Variants in GARIN2 observed in about 807,000 individuals in gnomAD.
GARIN2 encodes the protein golgi associated RAB2 interactor family member 2.
At chr14:67,192,356 A>G in the GARIN2 span, among the ~76,000 whole-genome samples, 2 of 152,080 alleles carry the variant, frequency 1.3e-5, no homozygotes, top group African/African-American at 4.8e-5. Flanking sequence ...TTCATTCAAC[A>G]AGTAGTTTTG....
chr14:67,197,608 C>T, the GARIN2 span, among the ~76,000 whole-genome samples: 3 of 152,098 alleles, frequency 2.0e-5, no homozygotes, highest in Admixed American at 6.5e-5. Context: ...TCATAAGGAG[C>T]GCGCAACCAA....
At chr14:67,194,824 A>G in the GARIN2 span, among the ~76,000 whole-genome samples, 1 of 152,086 alleles carries the variant, frequency 6.6e-6, no homozygotes, top group African/African-American at 2.4e-5. Context: ...TGCCAGGCTA[A>G]TTTTTATATT....
the GARIN2 span, among the ~76,000 whole-genome samples, chr14:67,193,843 G>T: frequency 7.4e-4 from 111 of 149,146 alleles, no homozygotes; most frequent in Admixed American, 2.3e-3. Flanking sequence ...TATTCAGGAG[G>T]CTGAGGTGAG....
At chr14:67,208,550 T>G in the GARIN2 span, 1 of 1,241,550 alleles carries the variant, frequency 8.1e-7, no homozygotes, top group Non-Finnish European at 1.1e-6. Context: ...CCACTGAAGA[T>G]TCTCAGAGAC....
At chr14:67,193,954 C>CA in the GARIN2 span, among the ~76,000 whole-genome samples, 278 of 85,718 alleles carry the variant, frequency 3.2e-3, 3 homozygotes, top group Non-Finnish European at 4.1e-3. Flanking sequence ...CAAAAAAAAA[C>CA]AAAAAAAAAA....
At chr14:67,217,546 T>C in the GARIN2 span, among the ~76,000 whole-genome samples, 122 of 152,290 alleles carry the variant, frequency 8.0e-4, no homozygotes, top group Non-Finnish European at 1.3e-3. Context: ...GATAAGGTTT[T>C]ATTGCTTTCT....
chr14:67,225,962 T>TGCGCGCGC, the GARIN2 span, among the ~76,000 whole-genome samples: 34 of 113,512 alleles, frequency 3.0e-4, no homozygotes, highest in African/African-American at 1.7e-3. Flanking sequence ...TGTGTGTGTG[T>TGCGCGCGC]GCGCGCGCGC....
At chr14:67,209,194 G>A in the GARIN2 span, among the ~76,000 whole-genome samples, 1 of 152,168 alleles carries the variant, frequency 6.6e-6, no homozygotes, top group Non-Finnish European at 1.5e-5. Flanking sequence ...GGATACAGCA[G>A]CAAAAATGAT....
chr14:67,200,439 C>G, the GARIN2 span: 2 of 471,248 alleles, frequency 4.2e-6, no homozygotes, highest in Non-Finnish European at 7.6e-6. Context: ...TTTCAGCACC[C>G]CCACCCCATT....
At chr14:67,223,755 T>C in the GARIN2 span, 73 of 984,994 alleles carry the variant, frequency 7.4e-5, no homozygotes, top group Non-Finnish European at 8.8e-5. Flanking sequence ...TTACTTAGGC[T>C]TGTATAGTTT....
At chr14:67,196,170 A>G in the GARIN2 span, among the ~76,000 whole-genome samples, 16 of 151,162 alleles carry the variant, frequency 1.1e-4, no homozygotes, top group Admixed American at 9.2e-4. Context: ...AGCCTCTGAC[A>G]AGTTTCATAC....
chr14:67,204,573 T>C, the GARIN2 span: 7 of 1,613,510 alleles, frequency 4.3e-6, no homozygotes, highest in African/African-American at 2.7e-5. Context: ...TTTCTGTGCA[T>C]GATGCGGAGA....
the GARIN2 span, among the ~76,000 whole-genome samples, chr14:67,193,804 G>T: frequency 2.0e-5 from 3 of 148,828 alleles, no homozygotes; most frequent in African/African-American, 7.4e-5. Flanking sequence ...AATTAGCTGG[G>T]TATGGTAGCG....
chr14:67,221,916 T>C, the GARIN2 span: 87 of 1,367,184 alleles, frequency 6.4e-5, no homozygotes, highest in Non-Finnish European at 8.5e-5. Context: ...TCAGCTAGAC[T>C]TTTTGATGCA....
the GARIN2 span, among the ~76,000 whole-genome samples, chr14:67,221,386 C>A: frequency 6.6e-6 from 1 of 152,142 alleles, no homozygotes; most frequent in African/African-American, 2.4e-5. Flanking sequence ...CCTATATTCC[C>A]AACATAGTTG....
the GARIN2 span, among the ~76,000 whole-genome samples, chr14:67,214,485 G>T: frequency 1.2e-4 from 18 of 152,240 alleles, no homozygotes; most frequent in East Asian, 3.5e-3. Flanking sequence ...TAGACGTGCG[G>T]CGTTATTTCT....
At chr14:67,190,548 C>T in the GARIN2 span, among the ~76,000 whole-genome samples, 1 of 152,170 alleles carries the variant, frequency 6.6e-6, no homozygotes, top group Non-Finnish European at 1.5e-5. Flanking sequence ...ATTTTTCAGA[C>T]TGTTATCCCA....
At chr14:67,200,193 A>G in the GARIN2 span, 3 of 1,140,920 alleles carry the variant, frequency 2.6e-6, no homozygotes, top group South Asian at 1.6e-5. Context: ...GACTTCCTCC[A>G]CTGATGCCCC....
At chr14:67,223,969 G>A in the GARIN2 span, 1 of 984,892 alleles carries the variant, frequency 1.0e-6, no homozygotes. Context: ...TTATATTATA[G>A]GCGGAAATCA....
Sources: gnomAD v4.1 joint callset for allele counts (sites outside exome capture counted in the v4.1 genomes callset) on GRCh38, gnomAD v4.1.1 for gene constraint, MANE v1.5 for transcripts, NCBI Gene and HGNC (gene_info 2026-07-23, HGNC 2026-07-21) for gene names.